TTC7A: variants seen among roughly 807,000 people sequenced by gnomAD.
The protein encoded by TTC7A is tetratricopeptide repeat protein 7A.
TTC7A carries 110 observed loss-of-function variants against 103.7 expected under a neutral mutation model. The observed-to-expected ratio is 1.06, with a 90% confidence interval of 0.91 to 1.24. The LOEUF is 1.24. Ranked by LOEUF, TTC7A falls within the 50% of genes most tolerant of loss-of-function variation. The probability of loss-of-function intolerance (pLI) is 0.00; values close to 1 mark genes in which losing one functional copy is unlikely to be tolerated. For missense variants in TTC7A, 1,340 were observed against 1,116.3 expected (o/e 1.20, Z -2.86); for synonymous variants, 521 against 467.9 (o/e 1.11, Z -1.47).
intron 2 of TTC7A, among the ~76,000 whole-genome samples, chr2:46,953,118 T>C (rs1349184907): frequency 6.6e-6 from 1 of 152,160 alleles, no homozygotes; most frequent in Non-Finnish European, 1.5e-5. Context: ...AGCCAAAAAC[T>C]TAATGATGAT....
At chr2:46,926,686 G>A (rs1669401086) in intron 2 of TTC7A, among the ~76,000 whole-genome samples, 1 of 152,194 alleles carries the variant, frequency 6.6e-6, no homozygotes, top group Admixed American at 6.5e-5. Context: ...CTAAGCATCA[G>A]ATGATTTCTA....
chr2:46,966,100 C>T (rs939157652), intron 3 of TTC7A, among the ~76,000 whole-genome samples: 1 of 151,970 alleles, frequency 6.6e-6, no homozygotes, highest in Non-Finnish European at 1.5e-5. Flanking sequence ...CAGGCATGCG[C>T]CACCACGCCT....
intron 5 of TTC7A, among the ~76,000 whole-genome samples, chr2:46,987,874 G>A (rs975163295): frequency 2.0e-5 from 3 of 151,648 alleles, no homozygotes; most frequent in Non-Finnish European, 4.4e-5. Flanking sequence ...GCTGGATGCC[G>A]AGTTGGAGAG....
At chr2:47,054,915 G>A (rs185601580) in intron 18 of TTC7A, among the ~76,000 whole-genome samples, 97 of 151,730 alleles carry the variant, frequency 6.4e-4, no homozygotes, top group African/African-American at 2.2e-3. Context: ...CAACCGCCAC[G>A]GCCAGGAAAG....
At chr2:47,073,636 C>T in intron 19 of TTC7A, 66 bp from the exon 20 acceptor site, 1 of 1,444,388 alleles carries the variant, frequency 6.9e-7, no homozygotes, top group Non-Finnish European at 9.7e-7. Context: ...CTGTGCTTGG[C>T]CCAGTTGCCA....
intron 4 of TTC7A, among the ~76,000 whole-genome samples, chr2:46,976,070 A>G (rs1412870662): frequency 6.6e-6 from 1 of 151,684 alleles, no homozygotes; most frequent in Non-Finnish European, 1.5e-5. Flanking sequence ...ATACTATGCC[A>G]TGAGGGGCCC....
rs760515833 is a variant in TTC7A at position 47,021,967 on chromosome 2, C to T, written c.1498C>T (p.Gln500Ter). Residue 500 changes from glutamine to a stop codon, truncating the protein, a stop_gained, in exon 12 of 20, where the codon CAG becomes TAG. Coordinates refer to ENST00000319190, the MANE Select transcript of TTC7A (RefSeq NM_020458.4). LOFTEE classifies it high-confidence loss of function. ...GGCTCTGGGTCTCACCTATAGCCTG[C>T]AGGCCACCGACGGTGAGTGCCAGGC... ...YLALGLTYSL[Q>*]ATDATLKSKQ... 6.2e-7 allele frequency: 1 copy of T among 1,611,240 alleles called. No homozygotes were observed. The highest frequency in any genetic ancestry group is 1.1e-5 in the South Asian group (1 of 91,012).
chr2:46,992,677 C>A (rs1198804901), intron 5 of TTC7A, among the ~76,000 whole-genome samples: 2 of 152,158 alleles, frequency 1.3e-5, no homozygotes, highest in Non-Finnish European at 2.9e-5. Context: ...CCCCAAGGCG[C>A]AGTGGGAGCA....
intron 5 of TTC7A, among the ~76,000 whole-genome samples, chr2:46,988,962 A>C (rs1220513224): frequency 6.6e-6 from 1 of 152,096 alleles, no homozygotes; most frequent in Non-Finnish European, 1.5e-5. Context: ...TTTCTTGAGC[A>C]CCTTCTATGC....
chr2:47,006,051 C>G lies in TTC7A; in HGVS notation c.1195C>G (p.Leu399Val). 1.2e-6 allele frequency: 2 copies of G among 1,613,492 alleles called. No individual in the cohort carries two copies. Among genetic ancestry groups the G allele is most frequent in the Non-Finnish European group, 1.7e-6 (2 of 1,179,868 alleles). ...GGGCAGAAGGGGACAGTACGTCATGCTCTCGGAGGTACGGCCGGCCATGCA... is the reference window on the plus strand; with the variant it reads ...GGGCAGAAGGGGACAGTACGTCATGGTCTCGGAGGTACGGCCGGCCATGCA... ...TLGRRGQYVM[L>V]SECLERAMKF... is the part of the protein sequence containing the mutation. Residue 399 changes from leucine to valine, a missense_variant, in exon 9 of 20, where the codon CTC (leucine) becomes GTC (valine). By Grantham distance (32) the Leu-to-Val change is conservative. Transcript: ENST00000319190.
At chr2:47,041,360 G>A (rs111567556) in intron 15 of TTC7A, among the ~76,000 whole-genome samples, 17 of 152,244 alleles carry the variant, frequency 1.1e-4, no homozygotes, top group African/African-American at 3.9e-4. Flanking sequence ...TTGCAGACCA[G>A]GTGGGGACGC....
chr2:47,053,616 G>A (rs1683079917), intron 18 of TTC7A, among the ~76,000 whole-genome samples: 1 of 152,184 alleles, frequency 6.6e-6, no homozygotes, highest in East Asian at 1.9e-4. Flanking sequence ...CTGTGGCCCA[G>A]GCTGGAGTGC....
chr2:46,942,914 G>C (rs1210824046), intron 1 of TTC7A, among the ~76,000 whole-genome samples: 1 of 151,980 alleles, frequency 6.6e-6, no homozygotes, highest in African/African-American at 2.4e-5. Flanking sequence ...TTGTTTGTTT[G>C]TTTGTTTTTG....
At chr2:46,957,094 A>C in intron 3 of TTC7A, 87 bp downstream of exon 3, 2 of 1,547,314 alleles carry the variant, frequency 1.3e-6, no homozygotes, top group Non-Finnish European at 1.8e-6. Context: ...GCTCGTGTCC[A>C]GATTCTTCAC....
chr2:46,971,850 A>C (rs1327160855), intron 3 of TTC7A, among the ~76,000 whole-genome samples: 3 of 151,802 alleles, frequency 2.0e-5, no homozygotes, highest in Non-Finnish European at 4.4e-5. Flanking sequence ...ACAGACATTG[A>C]TTCTTCCCGT....
intron 5 of TTC7A, among the ~76,000 whole-genome samples, chr2:46,983,629 G>T (rs539810014): frequency 3.5e-4 from 53 of 152,224 alleles, no homozygotes; most frequent in Non-Finnish European, 6.5e-4. Context: ...ACGGACCTGG[G>T]GCAGTTGTGC....
chr2:47,023,386 G>C (rs781543370), intron 12 of TTC7A, 22 bp from the exon 13 acceptor site: 2 of 1,613,712 alleles, frequency 1.2e-6, no homozygotes, highest in South Asian at 1.1e-5. Context: ...TGATGGCTCA[G>C]TTTCTGTCCT....
At chr2:46,956,270 A>G (rs1671844071) in intron 2 of TTC7A, among the ~76,000 whole-genome samples, 2 of 152,190 alleles carry the variant, frequency 1.3e-5, no homozygotes, top group Admixed American at 1.3e-4. Flanking sequence ...TCTGATAGGA[A>G]GAGGATGGTG....
intron 11 of TTC7A, among the ~76,000 whole-genome samples, chr2:47,016,093 G>T (rs930401691): frequency 2.0e-5 from 3 of 152,228 alleles, no homozygotes; most frequent in South Asian, 2.1e-4. Context: ...CCTTGAAATG[G>T]AAGGCAGTCC....
Sources: gnomAD v4.1 joint callset for allele counts (sites outside exome capture counted in the v4.1 genomes callset) on GRCh38, gnomAD v4.1.1 for gene constraint, MANE v1.5 for transcripts, NCBI Gene and HGNC (gene_info 2026-07-23, HGNC 2026-07-21) for gene names.